FGF13: variants seen among roughly 807,000 people sequenced by gnomAD.
FGF13 encodes fibroblast growth factor 13.
FGF13 carries 2 observed loss-of-function variants against 19.5 expected under a neutral mutation model. The observed-to-expected ratio is 0.10, with a 90% confidence interval of 0.04 to 0.32. FGF13 has a LOEUF of 0.32. FGF13 is among the 10% of genes least tolerant of loss of function. The pLI is 1.00. For missense variants in FGF13, 113 were observed against 192.7 expected (o/e 0.59, Z 2.45); for synonymous variants, 72 against 76.9 (o/e 0.94, Z 0.33).
intron 1 of FGF13, among the ~76,000 whole-genome samples, chrX:139,176,831 T>C (rs1183751292): frequency 1.8e-5 from 2 of 111,575 alleles, no homozygotes; most frequent in Non-Finnish European, 3.8e-5. Context: ...TACTTCCAAT[T>C]ATGTGATCGA....
At chrX:138,810,910 A>T (rs1330259575) in intron 3 of FGF13, among the ~76,000 whole-genome samples, 1 of 111,865 alleles carries the variant, frequency 8.9e-6, no homozygotes, top group South Asian at 3.8e-4. Context: ...ATCTCACACC[A>T]GTTAGAATGG....
intron 3 of FGF13, among the ~76,000 whole-genome samples, chrX:138,796,461 C>T (rs2090779335): frequency 8.9e-6 from 1 of 111,865 alleles, no homozygotes; most frequent in African/African-American, 3.2e-5. Flanking sequence ...TTTCTTTATC[C>T]AGTCTATCAT....
rs777427413 is a variant in FGF13 at position 138,629,055 on chromosome X, T to C, written c.*3795A>G. On this transcript the variant is annotated 3_prime_UTR_variant, in exon 5 of 5. Transcript: ENST00000315930. ...GGTGGAAAACTGACATTAAGTGCCA[T>C]GCCATAGAACACTGACATTAAGTGC... is the stretch of plus-strand genomic sequence containing the variant. 8.9e-6 allele frequency: 1 copy of C among 112,103 alleles called. No individual in the cohort carries two copies. The highest frequency in any genetic ancestry group is 1.9e-5 in the Non-Finnish European group (1 of 53,248). 9.2% of individuals were successfully genotyped at this position (112,103 alleles called of 1,213,427 possible).
intron 3 of FGF13, among the ~76,000 whole-genome samples, chrX:138,799,688 G>A (rs1013404354): frequency 1.8e-5 from 2 of 110,675 alleles, no homozygotes; most frequent in Non-Finnish European, 3.8e-5. Flanking sequence ...ATATTGTGTG[G>A]GAGTCTAAGT....
At chrX:139,165,077 T>A (rs1226253759) in intron 1 of FGF13, among the ~76,000 whole-genome samples, 2 of 111,727 alleles carry the variant, frequency 1.8e-5, no homozygotes, top group African/African-American at 6.5e-5. Flanking sequence ...AATATGGACG[T>A]TAAAGTCCAT....
At chrX:139,130,989 GGAAT>G (rs1299761113) in intron 1 of FGF13, among the ~76,000 whole-genome samples, 3 of 111,165 alleles carry the variant, frequency 2.7e-5, no homozygotes, top group African/African-American at 9.8e-5. Context: ...ATTTGTAAGT[GGAAT>G]GATTTTTCTA....
At chrX:138,727,039 C>T (rs758808651) in intron 1 of FGF13, among the ~76,000 whole-genome samples, 1 of 111,205 alleles carries the variant, frequency 9.0e-6, no homozygotes, top group Non-Finnish European at 1.9e-5. Context: ...TATCTGTAAT[C>T]GTTACAATAA....
intron 3 of FGF13, among the ~76,000 whole-genome samples, chrX:138,688,890 G>A (rs190158054): frequency 8.9e-6 from 1 of 112,252 alleles, no homozygotes; most frequent in Non-Finnish European, 1.9e-5. Context: ...TATTTGCATA[G>A]GTATGCATGT....
At chrX:138,925,104 C>T (rs1306524947) in intron 1 of FGF13, among the ~76,000 whole-genome samples, 1 of 111,715 alleles carries the variant, frequency 9.0e-6, no homozygotes, top group Non-Finnish European at 1.9e-5. Flanking sequence ...CATTTCTGTT[C>T]CCATTTGTTG....
In FGF13 at chrX:139,191,458, G is replaced by A. The variant is rs534060153; in HGVS notation, c.-113+11958C>T. Among the ~76,000 whole-genome samples, 7 of 111,897 alleles carry A rather than the reference G, an allele frequency of 6.3e-5. No homozygotes were observed. In the South Asian group the frequency reaches 2.6e-3, roughly 42 times the overall value. ...GGAGGAAGCTCGGTGTGTTTTAAAC[G>A]GTGAAATCTGTCAAAGTCCCAAAGG... On this transcript the variant is annotated intron_variant, in intron 1 of 2. Coordinates refer to the FGF13 transcript ENST00000421460.
Position 138,627,232 on chromosome X carries a change from A to G in FGF13, c.*5618T>C, listed in dbSNP as rs2124079515. 8.9e-6 allele frequency: 1 copy of G among 111,870 alleles called. No homozygotes were observed. Among genetic ancestry groups the G allele is most frequent in the Non-Finnish European group, 1.9e-5 (1 of 53,208 alleles). The allele number at this position is 111,870 out of a possible 1,213,427, so 9.2% of individuals were successfully genotyped here. A position where few individuals can be genotyped will look rare whatever the true frequency, so the allele number is the denominator to read the frequency against. On this transcript the variant is annotated 3_prime_UTR_variant, in exon 5 of 5. Transcript: ENST00000315930. ...GCGCTGACAGTATTTAAGGTCATAA[A>G]TATCTACTGTGCCAACAAGCTGAGT...
At position 138,622,707 on chromosome X, in the gene FGF13, T is replaced by A. The variant is rs1311568989; in HGVS notation, c.*10143A>T. ...CTCTTCAATACAGAAACCCAATGAC[T>A]CCAACAGAAAAATGTTAGAAGTGAT... On this transcript the variant is annotated 3_prime_UTR_variant, in exon 5 of 5. Transcript: ENST00000315930. The A allele has an allele frequency of 8.9e-6, 1 of 112,182 alleles. No individual in the cohort carries two copies. Among genetic ancestry groups the A allele is most frequent in the Non-Finnish European group, 1.9e-5 (1 of 53,149 alleles). The allele number at this position is 112,182 out of a possible 1,213,427, so 9.2% of individuals were successfully genotyped here. A position where few individuals can be genotyped will look rare whatever the true frequency, so the allele number is the denominator to read the frequency against.
intron 1 of FGF13, among the ~76,000 whole-genome samples, chrX:139,124,349 A>G (rs1056514951): frequency 6.2e-5 from 7 of 112,166 alleles, no homozygotes; most frequent in Admixed American, 1.9e-4. Flanking sequence ...TCTTTTCACA[A>G]CTAAGGCCCA....
chrX:139,000,558 C>T (rs1198508482), intron 1 of FGF13, among the ~76,000 whole-genome samples: 1 of 111,223 alleles, frequency 9.0e-6, no homozygotes, highest in Non-Finnish European at 1.9e-5. Context: ...AAACAGAGAG[C>T]AAAATCACCA....
chrX:138,872,459 C>T (rs1268580763), intron 1 of FGF13, among the ~76,000 whole-genome samples: 1 of 111,430 alleles, frequency 9.0e-6, no homozygotes, highest in Non-Finnish European at 1.9e-5. Context: ...AAACAACATC[C>T]TTGAAAAACT....
At chrX:138,781,426 T>A (rs2090641471) in intron 3 of FGF13, among the ~76,000 whole-genome samples, 1 of 109,782 alleles carries the variant, frequency 9.1e-6, no homozygotes, top group Non-Finnish European at 1.9e-5. Flanking sequence ...CTAGCAAGAC[T>A]AATAAAGAAA....
intron 1 of FGF13, among the ~76,000 whole-genome samples, chrX:138,984,814 C>CTCTGTGTG (rs764182632): frequency 6.6e-5 from 6 of 90,851 alleles, no homozygotes; most frequent in Non-Finnish European, 1.3e-4. Flanking sequence ...TATGTCAGTT[C>CTCTGTGTG]TGTGTGTGTG....
intron 1 of FGF13, among the ~76,000 whole-genome samples, chrX:139,116,677 A>G (rs756976891): frequency 5.4e-5 from 6 of 111,447 alleles, no homozygotes; most frequent in Admixed American, 1.9e-4. Flanking sequence ...AGAAAAGAAA[A>G]AGGAGAGCGG....
intron 1 of FGF13, among the ~76,000 whole-genome samples, chrX:139,167,898 A>AGTGCTGTGGATTAATAATTTG (rs1409943047): frequency 1.8e-5 from 2 of 112,269 alleles, no homozygotes; most frequent in Non-Finnish European, 3.8e-5. Flanking sequence ...GCAAACTATA[A>AGTGCTGTGGATTAATAATTTG]CAATGCAACT....
Sources: gnomAD v4.1 joint callset for allele counts (sites outside exome capture counted in the v4.1 genomes callset) on GRCh38, gnomAD v4.1.1 for gene constraint, MANE v1.5 for transcripts, NCBI Gene and HGNC (gene_info 2026-07-23, HGNC 2026-07-21) for gene names.